SLC6A15: variants seen among roughly 807,000 people sequenced by gnomAD.
The protein encoded by SLC6A15 is sodium-dependent neutral amino acid transporter B(0)AT2.
Under a neutral mutation model 68.5 loss-of-function variants are expected in SLC6A15, and 33 were observed. The observed-to-expected ratio is 0.48, with a 90% CI of 0.37 to 0.64. The LOEUF is 0.64. Ranked by LOEUF, SLC6A15 falls within the 30% of genes least tolerant of loss-of-function variation. The pLI, the probability that SLC6A15 is intolerant of heterozygous loss-of-function variation, is 0.00. For missense variants in SLC6A15, 747 were observed against 874.3 expected (o/e 0.85, Z 1.84); for synonymous variants, 347 against 301.0 (o/e 1.15, Z -1.58).
At chr12:84,887,199 C>T (rs548745923) in intron 2 of SLC6A15, among the ~76,000 whole-genome samples, 9 of 152,272 alleles carry the variant, frequency 5.9e-5, no homozygotes, top group Non-Finnish European at 1.5e-5. Flanking sequence ...GTCTTACAAT[C>T]AATGGTAACT....
In SLC6A15 at chr12:84,861,913, T is replaced by C; in HGVS notation, c.1912A>G (p.Ile638Val). Reference sequence around the variant, plus strand: ...TCTATAAGGTTGAAGCGACGAACAATGAAAACTACAGGGACTGGGAGTATT... The same window carrying C: ...TCTATAAGGTTGAAGCGACGAACAACGAAAACTACAGGGACTGGGAGTATT... ...FAILPVPVVF[I>V]VRRFNLIDDS... The change falls in exon 12 of 12, where the codon ATT becomes GTT. Residue 638 changes from isoleucine (I) to valine (V), a missense_variant. Coordinates refer to ENST00000266682, the MANE Select transcript of SLC6A15 (RefSeq NM_182767.6). 1 of 1,613,862 alleles carries C rather than the reference T, an allele frequency of 6.2e-7. No homozygotes were observed. Among genetic ancestry groups the C allele is most frequent in the South Asian group, 1.1e-5 (1 of 91,070 alleles).
chr12:84,887,770 T>A (rs1400083950), intron 2 of SLC6A15, among the ~76,000 whole-genome samples: 1 of 152,172 alleles, frequency 6.6e-6, no homozygotes, highest in East Asian at 1.9e-4. Context: ...TCCAGTCATG[T>A]GTGGGTGACA....
intron 4 of SLC6A15, among the ~76,000 whole-genome samples, chr12:84,885,145 C>T (rs1326256873): frequency 2.6e-5 from 4 of 151,874 alleles, no homozygotes; most frequent in Non-Finnish European, 4.4e-5. Context: ...AGGCATCAAT[C>T]AGGGCATACA....
chr12:84,895,413 G>A (rs1354592692), intron 1 of SLC6A15, among the ~76,000 whole-genome samples: 1 of 121,240 alleles, frequency 8.2e-6, no homozygotes, highest in Non-Finnish European at 1.6e-5. Context: ...GCAGTGGCAT[G>A]ATCTCGGCTC....
At chr12:84,876,431 G>T (rs1871544834) in intron 6 of SLC6A15, 66 bp downstream of exon 6, 1 of 835,312 alleles carries the variant, frequency 1.2e-6, no homozygotes, top group East Asian at 2.7e-5. Context: ...ATATAACTTA[G>T]AATATTTTAA....
intron 1 of SLC6A15, among the ~76,000 whole-genome samples, chr12:84,907,555 A>G (rs182841225): frequency 5.9e-5 from 9 of 152,174 alleles, no homozygotes; most frequent in African/African-American, 2.2e-4. Context: ...AGTGACAACC[A>G]AATTCTGGCA....
At chr12:84,908,601 C>CAT (rs3084056) in intron 1 of SLC6A15, among the ~76,000 whole-genome samples, 9,711 of 140,230 alleles carry the variant, frequency 0.069, 428 homozygotes, top group African/African-American at 0.13. Context: ...AGTAAAGAAA[C>CAT]ATATATATAT....
chr12:84,897,212 A>C (rs1381406747), intron 1 of SLC6A15, among the ~76,000 whole-genome samples: 1 of 152,056 alleles, frequency 6.6e-6, no homozygotes, highest in African/African-American at 2.4e-5. Context: ...TAAAATAAAT[A>C]AAATAAAATA....
At chr12:84,885,243 TA>T (rs1460998833) in intron 4 of SLC6A15, among the ~76,000 whole-genome samples, 191 bp downstream of exon 4, 1 of 152,188 alleles carries the variant, frequency 6.6e-6, no homozygotes, top group Admixed American at 6.5e-5. Context: ...TGGAAAGAGC[TA>T]AAAAAATTAG....
intron 1 of SLC6A15, among the ~76,000 whole-genome samples, chr12:84,893,818 T>G (rs1240055945): frequency 6.6e-6 from 1 of 152,204 alleles, no homozygotes; most frequent in Admixed American, 6.5e-5. Flanking sequence ...AAAATTAAAA[T>G]ATATACCCTA....
intron 1 of SLC6A15, among the ~76,000 whole-genome samples, chr12:84,895,337 G>GTTTT (rs1362312029): frequency 3.2e-4 from 21 of 65,410 alleles, no homozygotes; most frequent in African/African-American, 5.6e-4. Context: ...ATTTTTGTTT[G>GTTTT]TATTTTTTTT....
At chr12:84,869,172 A>G (rs1433544702) in intron 9 of SLC6A15, among the ~76,000 whole-genome samples, 1 of 152,152 alleles carries the variant, frequency 6.6e-6, no homozygotes, top group Non-Finnish European at 1.5e-5. Flanking sequence ...TTTATGGCTA[A>G]GAAAGAGCTG....
intron 2 of SLC6A15, among the ~76,000 whole-genome samples, chr12:84,890,849 A>C (rs1431946354): frequency 6.6e-6 from 1 of 152,222 alleles, no homozygotes; most frequent in Non-Finnish European, 1.5e-5. Context: ...ACAAACTAGA[A>C]TCAAATACCA....
chr12:84,897,552 G>A (rs1157538417), intron 1 of SLC6A15, among the ~76,000 whole-genome samples: 6 of 151,874 alleles, frequency 4.0e-5, no homozygotes, highest in Non-Finnish European at 7.4e-5. Flanking sequence ...AATTCCTAGG[G>A]ATTTCAAGCA....
chr12:84,903,217 T>A (rs1872968814), intron 1 of SLC6A15, among the ~76,000 whole-genome samples: 1 of 152,142 alleles, frequency 6.6e-6, no homozygotes, highest in Admixed American at 6.6e-5. Flanking sequence ...TTCAAAATTC[T>A]TTTAGAGATT....
chr12:84,871,526 G>C (rs1217292934), intron 8 of SLC6A15, among the ~76,000 whole-genome samples: 2 of 151,528 alleles, frequency 1.3e-5, no homozygotes, highest in Admixed American at 6.6e-5. Flanking sequence ...CTAACTAACT[G>C]TACCTATAAC....
intron 1 of SLC6A15, among the ~76,000 whole-genome samples, chr12:84,902,256 T>C (rs113633063): frequency 6.6e-6 from 1 of 151,972 alleles, no homozygotes; most frequent in African/African-American, 2.4e-5. Flanking sequence ...ACCAAGTCAC[T>C]ATTTATACTT....
intron 10 of SLC6A15, among the ~76,000 whole-genome samples, chr12:84,865,883 G>A (rs760152204): frequency 4.6e-5 from 7 of 152,134 alleles, no homozygotes; most frequent in Non-Finnish European, 1.0e-4. Flanking sequence ...TATGAATATA[G>A]TTGCTATAAA....
At chr12:84,882,997 T>C (rs1056288714) in intron 5 of SLC6A15, 46 of 983,796 alleles carry the variant, frequency 4.7e-5, no homozygotes, top group Admixed American at 6.2e-5. Context: ...TATATGATGA[T>C]GAGTGGTAAT....
Sources: gnomAD v4.1 joint callset for allele counts (sites outside exome capture counted in the v4.1 genomes callset) on GRCh38, gnomAD v4.1.1 for gene constraint, MANE v1.5 for transcripts, NCBI Gene and HGNC (gene_info 2026-07-23, HGNC 2026-07-21) for gene names.